Variants in LYPLAL1 observed in about 807,000 individuals in gnomAD.
LYPLAL1 encodes lysophospholipase-like protein 1.
LYPLAL1 carries 23 observed loss-of-function variants against 19.7 expected under a neutral mutation model. The observed-to-expected ratio is 1.17, with a 90% CI of 0.84 to 1.65. LYPLAL1 has a LOEUF of 1.65. LYPLAL1 is among the 40% of genes most tolerant of loss of function. The pLI, the probability that LYPLAL1 is intolerant of heterozygous loss-of-function variation, is 0.00. For missense variants in LYPLAL1, 355 were observed against 279.4 expected (o/e 1.27, Z -1.93); for synonymous variants, 119 against 96.3 (o/e 1.24, Z -1.38).
the LYPLAL1 span, among the ~76,000 whole-genome samples, chr1:219,388,928 C>T: frequency 6.6e-6 from 1 of 152,112 alleles, no homozygotes; most frequent in Non-Finnish European, 1.5e-5. Flanking sequence ...TTTGCAACTT[C>T]TTAATAGGAT....
chr1:219,412,792 T>G, the LYPLAL1 span, among the ~76,000 whole-genome samples: 1 of 152,214 alleles, frequency 6.6e-6, no homozygotes, highest in Admixed American at 6.5e-5. Flanking sequence ...ACAGGCAAGA[T>G]GCACAACAAA....
At chr1:219,262,054 T>C in the LYPLAL1 span, among the ~76,000 whole-genome samples, 2 of 152,108 alleles carry the variant, frequency 1.3e-5, no homozygotes, top group Admixed American at 6.5e-5. Context: ...TTTTGTTCTT[T>C]CTTATTTGAC....
intron 2 of LYPLAL1, among the ~76,000 whole-genome samples, chr1:219,182,337 C>T (rs1656357790): frequency 6.6e-6 from 1 of 152,044 alleles, no homozygotes; most frequent in African/African-American, 2.4e-5. Context: ...AACACATTAC[C>T]CTGTTTAGGC....
the LYPLAL1 span, among the ~76,000 whole-genome samples, chr1:219,445,412 G>A: frequency 1.9e-5 from 2 of 108,098 alleles, no homozygotes; most frequent in African/African-American, 3.7e-5. Flanking sequence ...TCAAATTGGG[G>A]GGGGGGCGGT....
At chr1:219,416,553 T>C in the LYPLAL1 span, among the ~76,000 whole-genome samples, 1 of 152,186 alleles carries the variant, frequency 6.6e-6, no homozygotes, top group Non-Finnish European at 1.5e-5. Context: ...CAGCAACATA[T>C]GGGCTTTTTG....
intron 3 of LYPLAL1, chr1:219,200,222 A>C (rs1192873754): frequency 3.9e-6 from 1 of 254,978 alleles, no homozygotes; most frequent in Non-Finnish European, 8.0e-6. Flanking sequence ...AATGGTGCTT[A>C]TCTCGAGCCA....
the LYPLAL1 span, among the ~76,000 whole-genome samples, chr1:219,281,818 C>T: frequency 1.2e-4 from 18 of 152,160 alleles, no homozygotes; most frequent in Admixed American, 2.6e-4. Flanking sequence ...TTTTTCTGAA[C>T]GGCCACTGAA....
the LYPLAL1 span, among the ~76,000 whole-genome samples, chr1:219,289,752 G>T: frequency 6.6e-6 from 1 of 152,094 alleles, no homozygotes; most frequent in East Asian, 1.9e-4. Context: ...AATTGCTCGC[G>T]CCATCCTCAT....
At chr1:219,189,222 A>T (rs1053160347) in intron 2 of LYPLAL1, among the ~76,000 whole-genome samples, 2 of 151,690 alleles carry the variant, frequency 1.3e-5, no homozygotes, top group African/African-American at 4.8e-5. Flanking sequence ...TATCATCCTT[A>T]TTTAAGTATT....
At chr1:219,290,462 C>T in the LYPLAL1 span, among the ~76,000 whole-genome samples, 3 of 152,152 alleles carry the variant, frequency 2.0e-5, no homozygotes, top group African/African-American at 7.2e-5. Context: ...AGAAGCATTT[C>T]TAATTTTGCT....
chr1:219,430,995 AG>A, the LYPLAL1 span, among the ~76,000 whole-genome samples: 1 of 151,988 alleles, frequency 6.6e-6, no homozygotes, highest in Non-Finnish European at 1.5e-5. Flanking sequence ...AGAGTTTTTA[AG>A]GGGGCTTTTG....
chr1:219,306,849 TAGACAGACAGACAGACAGAC>T, the LYPLAL1 span, among the ~76,000 whole-genome samples: 1 of 135,304 alleles, frequency 7.4e-6, no homozygotes, highest in Non-Finnish European at 1.6e-5. Context: ...GATAGATAGA[TAGACAGACAGACAGACAGAC>T]AGATAGATAG....
At chr1:219,268,295 AT>A in the LYPLAL1 span, among the ~76,000 whole-genome samples, 3 of 152,292 alleles carry the variant, frequency 2.0e-5, no homozygotes, top group East Asian at 5.8e-4. Flanking sequence ...GGCGGTCAAG[AT>A]TGTTTTCTGT....
the LYPLAL1 span, among the ~76,000 whole-genome samples, chr1:219,431,413 T>G: frequency 1.3e-5 from 2 of 152,224 alleles, no homozygotes; most frequent in African/African-American, 2.4e-5. Flanking sequence ...AGTGGCTGTC[T>G]GCTGAGGTGG....
At chr1:219,390,537 A>G in the LYPLAL1 span, among the ~76,000 whole-genome samples, 1 of 152,188 alleles carries the variant, frequency 6.6e-6, no homozygotes, top group African/African-American at 2.4e-5. Flanking sequence ...ACCTTTGCCG[A>G]CAATGCAGTT....
chr1:219,438,422 T>C, the LYPLAL1 span, among the ~76,000 whole-genome samples: 1 of 152,208 alleles, frequency 6.6e-6, no homozygotes, highest in South Asian at 2.1e-4. Context: ...CTATAAAATA[T>C]TTTGCATTTT....
the LYPLAL1 span, among the ~76,000 whole-genome samples, chr1:219,330,449 C>T: frequency 2.0e-5 from 3 of 152,144 alleles, no homozygotes; most frequent in African/African-American, 7.2e-5. Context: ...ATGCTAATTG[C>T]TTCTAGAGCA....
the LYPLAL1 span, among the ~76,000 whole-genome samples, chr1:219,357,327 A>G: frequency 6.6e-6 from 1 of 152,222 alleles, no homozygotes; most frequent in East Asian, 1.9e-4. Context: ...CATTTTATGT[A>G]TGCTTCCCAT....
intron 2 of LYPLAL1, 127 bp downstream of exon 2, chr1:219,179,373 G>A: frequency 1.4e-5 from 10 of 726,740 alleles, no homozygotes; most frequent in Non-Finnish European, 2.1e-5. Flanking sequence ...AGAGTACTTT[G>A]TCCCCAGAAT....
Sources: gnomAD v4.1 joint callset for allele counts (sites outside exome capture counted in the v4.1 genomes callset) on GRCh38, gnomAD v4.1.1 for gene constraint, MANE v1.5 for transcripts, NCBI Gene and HGNC (gene_info 2026-07-23, HGNC 2026-07-21) for gene names.